The following ANKRD45 variants were observed in gnomAD, a reference collection of about 807,000 sequenced individuals.
The protein encoded by ANKRD45 is ankyrin repeat domain-containing protein 45.
Under a neutral mutation model 28.1 loss-of-function variants are expected in ANKRD45, and 21 were observed. The observed-to-expected ratio is 0.75, with a 90% CI of 0.53 to 1.08. ANKRD45 has a LOEUF of 1.08. ANKRD45 is among the 50% of genes least tolerant of loss of function. The pLI is 0.00. For synonymous variants in ANKRD45, 86 were observed against 103.9 expected, an observed-to-expected ratio of 0.83 and a Z score of 1.05; for missense variants, 261 against 308.7, an observed-to-expected ratio of 0.85 and a Z score of 1.16.
chr1:173,662,016 T>C (rs1471252624), intron 1 of ANKRD45, among the ~76,000 whole-genome samples: 1 of 152,170 alleles, frequency 6.6e-6, no homozygotes, highest in Non-Finnish European at 1.5e-5. Context: ...TGGAACAGCA[T>C]TCCAAAGCAG....
chr1:173,646,868 ACACT>A lies in ANKRD45; in HGVS notation c.470_473del (p.Glu157ValfsTer12). 1 of 1,614,158 alleles carries A rather than the reference ACACT, an allele frequency of 6.2e-7. No homozygotes were observed. The highest frequency in any genetic ancestry group is 1.1e-5 in the South Asian group (1 of 91,078). On this transcript the variant is annotated frameshift_variant, in exon 3 of 6. Coordinates refer to ENST00000333279, the MANE Select transcript of ANKRD45 (RefSeq NM_198493.3). LOFTEE classifies it high-confidence loss of function. ...TACCTGCCCAGTCCAGGAATTCAACACACTCAGTCTGAGAATATCTAGCAGCAAC... is the reference window on the plus strand; with the variant it reads ...TACCTGCCCAGTCCAGGAATTCAACACAGTCTGAGAATATCTAGCAGCAAC...
chr1:173,636,972 C>T (rs1668474323), intron 3 of ANKRD45: 7 of 1,535,636 alleles, frequency 4.6e-6, no homozygotes, highest in Non-Finnish European at 6.1e-6. Flanking sequence ...CATCCTTCCT[C>T]TAAGAAAATT....
chr1:173,691,601 C>T, the ANKRD45 span, among the ~76,000 whole-genome samples: 6 of 152,040 alleles, frequency 3.9e-5, no homozygotes, highest in South Asian at 4.1e-4. Context: ...CTGGCTAACA[C>T]GGTGAAACCC....
At chr1:173,703,041 A>C in the ANKRD45 span, among the ~76,000 whole-genome samples, 1 of 151,330 alleles carries the variant, frequency 6.6e-6, no homozygotes, top group South Asian at 2.1e-4. Flanking sequence ...CATTCTTCTT[A>C]TTTCATTTTT....
At chr1:173,712,589 A>G in the ANKRD45 span, among the ~76,000 whole-genome samples, 2 of 152,230 alleles carry the variant, frequency 1.3e-5, no homozygotes, top group African/African-American at 4.8e-5. Flanking sequence ...GAAGCTGTGC[A>G]TAGCATACAA....
At chr1:173,632,375 CCCAATAGCTTCATG>C (rs1668233516) in intron 3 of ANKRD45, among the ~76,000 whole-genome samples, 1 of 151,936 alleles carries the variant, frequency 6.6e-6, no homozygotes, top group South Asian at 2.1e-4. Flanking sequence ...AAGCCCAGGA[CCCAATAGCTTCATG>C]CCAAGTTTTA....
chr1:173,620,069 A>G (rs1000895009), intron 5 of ANKRD45, among the ~76,000 whole-genome samples: 7 of 152,182 alleles, frequency 4.6e-5, no homozygotes. Flanking sequence ...TAACAAAGAT[A>G]TTCAGGACCT....
At chr1:173,618,798 AT>A (rs1667579949) in intron 5 of ANKRD45, among the ~76,000 whole-genome samples, 1 of 152,222 alleles carries the variant, frequency 6.6e-6, no homozygotes, top group Admixed American at 6.5e-5. Flanking sequence ...CCTCAGTAAG[AT>A]ATTCCATGAG....
At chr1:173,613,537 C>T (rs867257974) in intron 5 of ANKRD45, among the ~76,000 whole-genome samples, 389 of 140,626 alleles carry the variant, frequency 2.8e-3, no homozygotes, top group African/African-American at 0.011. Context: ...CCAGCCGCCC[C>T]GTCCGGGAGG....
intron 2 of ANKRD45, 87 bp from the exon 3 acceptor site, chr1:173,647,100 A>C: frequency 7.7e-7 from 1 of 1,296,506 alleles, no homozygotes; most frequent in African/African-American, 1.5e-5. Context: ...ATGGTGATCA[A>C]GTATTGAACA....
the ANKRD45 span, chr1:173,675,260 G>A: frequency 5.1e-5 from 13 of 256,102 alleles, no homozygotes; most frequent in Non-Finnish European, 8.6e-5. Context: ...TAGGAAAAAT[G>A]GAGAAAAAAG....
At chr1:173,626,622 C>G (rs115488506) in intron 4 of ANKRD45, among the ~76,000 whole-genome samples, 1 of 152,088 alleles carries the variant, frequency 6.6e-6, no homozygotes, top group African/African-American at 2.4e-5. Flanking sequence ...CCCATCCCAC[C>G]CCCCGACTGC....
intron 5 of ANKRD45, among the ~76,000 whole-genome samples, chr1:173,616,702 T>C (rs1004289512): frequency 4.6e-5 from 7 of 152,178 alleles, no homozygotes; most frequent in Non-Finnish European, 8.8e-5. Flanking sequence ...AGAATTATAA[T>C]ACTGAAACTG....
Position 173,659,260 on chromosome 1 carries a change from C to G in ANKRD45, c.159G>C (p.Lys53Asn). The G allele has an allele frequency of 6.2e-7, 1 of 1,614,080 alleles. No individual in the cohort carries two copies. Among genetic ancestry groups the G allele is most frequent in the Non-Finnish European group, 8.5e-7 (1 of 1,180,012 alleles). The stretch of plus-strand genomic sequence containing the variant: ...GAGGATTCTCAGGATCCTCAAATAT[C>G]TTCTGCAAACCCTCTACATCCCCTG... ...ALTGDVEGLQ[K>N]IFEDPENPHH... The change falls in exon 2 of 6, where the codon AAG (lysine) becomes AAC (asparagine). Residue 53 changes from lysine to asparagine, a missense_variant. Lys to Asn is a moderately conservative substitution (Grantham distance 94). Coordinates refer to ENST00000333279, the MANE Select transcript of ANKRD45 (RefSeq NM_198493.3).
chr1:173,712,798 A>G, the ANKRD45 span, among the ~76,000 whole-genome samples: 6 of 152,360 alleles, frequency 3.9e-5, no homozygotes, highest in African/African-American at 1.4e-4. Flanking sequence ...AGCAGTGAAA[A>G]TAAATAAATT....
chr1:173,610,013 A>G lies in ANKRD45; in HGVS notation c.*132T>C, dbSNP rs1667072871. Reference sequence around the variant, plus strand: ...CATAAGCATGCTGAACAGGTCAAACAAAACAAGGGCGATGTAATGTTGTAC... The same window carrying G: ...CATAAGCATGCTGAACAGGTCAAACGAAACAAGGGCGATGTAATGTTGTAC... On this transcript the variant is annotated 3_prime_UTR_variant, in exon 6 of 6. Transcript: ENST00000333279. 2.1e-6 allele frequency: 2 copies of G among 947,626 alleles called. No homozygotes were observed. The highest frequency in any genetic ancestry group is 4.5e-5 in the Admixed American group (2 of 44,502). 58.7% of individuals were successfully genotyped at this position (947,626 alleles called of 1,614,324 possible). A position where few individuals can be genotyped will look rare whatever the true frequency, so the allele number is the denominator to read the frequency against.
chr1:173,688,669 CCTCTCTCTCTTTCTGCCTCTTTCCT>C, the ANKRD45 span, among the ~76,000 whole-genome samples: 13 of 140,906 alleles, frequency 9.2e-5, no homozygotes, highest in Admixed American at 7.6e-4. Context: ...CTGCCTCTTT[CCTCTCTCTCTTTCTGCCTCTTTCCT>C]CTCTCTCTTT....
rs908478650 is a variant in ANKRD45 at position 173,609,006 on chromosome 1, G to GT, written c.*1138dup. ...GGAAAAGGGAGAAGGGAGAAGGAGG[G>GT]TAAAAAAAAAAAAGGAGCAAACACA... On this transcript the variant is annotated 3_prime_UTR_variant, in exon 6 of 6. Coordinates refer to ENST00000333279, the MANE Select transcript of ANKRD45 (RefSeq NM_198493.3). Among the ~76,000 whole-genome samples the GT allele has an allele frequency of 4.1e-5, 6 of 146,776 alleles. No individual in the cohort carries two copies. Among genetic ancestry groups the GT allele is most frequent in the East Asian group, 2.0e-4 (1 of 4,946 alleles).
At chr1:173,663,054 AACACACACACACAC>A (rs60072209) in intron 1 of ANKRD45, among the ~76,000 whole-genome samples, 23 of 140,348 alleles carry the variant, frequency 1.6e-4, no homozygotes, top group African/African-American at 5.0e-4. Context: ...CCACCCTTCC[AACACACACACACAC>A]ACACACACAC....
Sources: gnomAD v4.1 joint callset for allele counts (sites outside exome capture counted in the v4.1 genomes callset) on GRCh38, gnomAD v4.1.1 for gene constraint, MANE v1.5 for transcripts, NCBI Gene and HGNC (gene_info 2026-07-23, HGNC 2026-07-21) for gene names.